Variants in MBOAT2 observed in about 807,000 individuals in gnomAD.
MBOAT2 encodes the protein membrane-bound glycerophospholipid O-acyltransferase 2.
Under a neutral mutation model 63.4 loss-of-function variants are expected in MBOAT2, and 28 were observed. The observed-to-expected ratio is 0.44, with a 90% CI of 0.33 to 0.61. The LOEUF (loss-of-function observed/expected upper bound fraction) is 0.61. MBOAT2 is among the 20% of genes least tolerant of loss of function. The probability of loss-of-function intolerance (pLI) is 0.03; values close to 1 mark genes in which losing one functional copy is unlikely to be tolerated. For missense variants in MBOAT2, 470 were observed against 605.8 expected (o/e 0.78, Z 2.35); for synonymous variants, 211 against 215.6 (o/e 0.98, Z 0.19).
At chr2:8,956,851 T>C (rs900132718) in intron 2 of MBOAT2, among the ~76,000 whole-genome samples, 1 of 152,132 alleles carries the variant, frequency 6.6e-6, no homozygotes, top group African/African-American at 2.4e-5. Context: ...GTAAAAGATT[T>C]CTAGGTAAAG....
chr2:8,939,711 T>C (rs1219423225), intron 3 of MBOAT2, among the ~76,000 whole-genome samples: 1 of 152,088 alleles, frequency 6.6e-6, no homozygotes, highest in African/African-American at 2.4e-5. Context: ...AAAAGACACA[T>C]GGCCAATCCT....
At chr2:8,919,534 G>A (rs1666423011) in intron 3 of MBOAT2, among the ~76,000 whole-genome samples, 1 of 152,138 alleles carries the variant, frequency 6.6e-6, no homozygotes, top group South Asian at 2.1e-4. Flanking sequence ...GCCATGAAAT[G>A]TGTAACTAGC....
intron 3 of MBOAT2, among the ~76,000 whole-genome samples, chr2:8,915,594 G>T (rs1666115336): frequency 6.6e-6 from 1 of 152,114 alleles, no homozygotes; most frequent in Non-Finnish European, 1.5e-5. Flanking sequence ...AACTTTTGTT[G>T]CTATCTTGTC....
intron 4 of MBOAT2, among the ~76,000 whole-genome samples, chr2:8,894,317 T>A (rs1197677013): frequency 6.6e-6 from 1 of 152,236 alleles, no homozygotes; most frequent in East Asian, 1.9e-4. Flanking sequence ...GATCCATCTC[T>A]GTTTACTCCT....
chr2:8,967,575 A>C (rs1670084169), intron 1 of MBOAT2, among the ~76,000 whole-genome samples: 1 of 149,920 alleles, frequency 6.7e-6, no homozygotes, highest in Non-Finnish European at 1.5e-5. Flanking sequence ...TAAAAAATAA[A>C]ATTTGATTTT....
chr2:8,868,645 A>C (rs575110711), intron 8 of MBOAT2, 96 bp from the exon 9 acceptor site: 7 of 954,602 alleles, frequency 7.3e-6, no homozygotes, highest in African/African-American at 1.7e-5. Flanking sequence ...TTTTATTCTT[A>C]AACAGTAAAA....
intron 3 of MBOAT2, among the ~76,000 whole-genome samples, chr2:8,932,674 G>T (rs768025287): frequency 1.3e-5 from 2 of 151,818 alleles, no homozygotes; most frequent in East Asian, 3.9e-4. Context: ...TGGAACCTCA[G>T]TGTCCCCATC....
chr2:8,860,677 C>T lies in MBOAT2; in HGVS notation c.1273G>A (p.Ala425Thr). 10 of 1,612,288 alleles carry T rather than the reference C, an allele frequency of 6.2e-6. No individual in the cohort carries two copies. The highest frequency in any genetic ancestry group is 8.5e-6 in the Non-Finnish European group (10 of 1,178,828). Residue 425 changes from alanine to threonine, a missense_variant, in exon 12 of 13, where the codon GCA (alanine) becomes ACA (threonine). Physicochemically the swap from Ala to Thr is moderately conservative, Grantham distance 58. Transcript: ENST00000305997. Reference sequence around the variant, plus strand: ...AATGGCACAACTGTGTAACTTATTGCTACTTGAGTTACTATCCATGTTATA... The same window carrying T: ...AATGGCACAACTGTGTAACTTATTGTTACTTGAGTTACTATCCATGTTATA... ...DVITWIVTQV[A>T]ISYTVVPFVL...
intron 3 of MBOAT2, among the ~76,000 whole-genome samples, chr2:8,942,635 T>C (rs1022825565): frequency 6.6e-6 from 1 of 152,206 alleles, no homozygotes; most frequent in Non-Finnish European, 1.5e-5. Context: ...ACCTTCTACA[T>C]GCTCCCCACT....
chr2:8,864,106 T>C, intron 10 of MBOAT2, 64 bp downstream of exon 10: 1 of 1,153,048 alleles, frequency 8.7e-7, no homozygotes, highest in South Asian at 1.5e-5. Flanking sequence ...CTGAACTCAA[T>C]GAAGCTCAAC....
intron 3 of MBOAT2, among the ~76,000 whole-genome samples, chr2:8,929,197 T>C (rs1466313818): frequency 6.6e-6 from 1 of 152,238 alleles, no homozygotes; most frequent in Non-Finnish European, 1.5e-5. Context: ...AAATCTGGTA[T>C]AACCCTTTAC....
chr2:8,932,103 TC>T (rs1477263935), intron 3 of MBOAT2, among the ~76,000 whole-genome samples: 1 of 152,154 alleles, frequency 6.6e-6, no homozygotes, highest in Non-Finnish European at 1.5e-5. Context: ...CCATAACTAC[TC>T]TAAATAAGGA....
chr2:8,906,383 A>C lies in MBOAT2; in HGVS notation c.395+2238T>G, dbSNP rs544752560. On this transcript the variant is annotated intron_variant, in intron 4 of 12. Transcript: ENST00000305997. ...TCATGCTTGCTGACAGGATGCAGGC[A>C]CAAGTGTTGCGCAGGCACACCCTCA... is the stretch of plus-strand genomic sequence containing the variant. Among the ~76,000 whole-genome samples, 8 of 152,354 alleles carry C rather than the reference A, an allele frequency of 5.3e-5. No individual in the cohort carries two copies. The Middle Eastern group carries it at 0.01, about 194-fold the overall frequency.
In MBOAT2 at chr2:8,854,590, A is replaced by G. The variant is rs1660964982; in HGVS notation, c.*4089T>C. On this transcript the variant is annotated 3_prime_UTR_variant, in exon 13 of 13. Transcript: ENST00000305997. ...TATTTTCTCAAGTAATTTTTCTTTCAATTATAATGTAGAACTGTTAAGACC... is the reference window on the plus strand; with the variant it reads ...TATTTTCTCAAGTAATTTTTCTTTCGATTATAATGTAGAACTGTTAAGACC... 6.6e-6 allele frequency: 1 copy of G among 152,222 alleles called. No individual in the cohort carries two copies. Among genetic ancestry groups the G allele is most frequent in the African/African-American group, 2.4e-5 (1 of 41,444 alleles). The allele number at this position is 152,222 out of a possible 1,614,324, so 9.4% of individuals were successfully genotyped here.
At chr2:8,864,268 C>G (rs1255464924) in intron 9 of MBOAT2, 34 bp from the exon 10 acceptor site, 1 of 1,335,096 alleles carries the variant, frequency 7.5e-7, no homozygotes, top group Admixed American at 2.3e-5. Context: ...CTTTGTGTCA[C>G]AAAATAATGA....
At chr2:8,916,272 A>G (rs1666169642) in intron 3 of MBOAT2, among the ~76,000 whole-genome samples, 1 of 152,228 alleles carries the variant, frequency 6.6e-6, no homozygotes, top group Non-Finnish European at 1.5e-5. Flanking sequence ...TGTTTACACC[A>G]TTCAGATACT....
rs1666632051 is a variant in MBOAT2 at position 8,922,299 on chromosome 2, A to G, written c.300-13583T>C. Among the ~76,000 whole-genome samples, 4 of 152,150 alleles carry G rather than the reference A, an allele frequency of 2.6e-5. No individual in the cohort carries two copies. The South Asian group carries it at 8.3e-4, about 31-fold the overall frequency. Reference sequence around the variant, plus strand: ...TTATCTTAATTCTTTAAATGTATTTATAATAGTTGTTTTGTCTGGTAAACC... The same window carrying G: ...TTATCTTAATTCTTTAAATGTATTTGTAATAGTTGTTTTGTCTGGTAAACC... On this transcript the variant is annotated intron_variant, in intron 3 of 12. Coordinates refer to ENST00000305997, the MANE Select transcript of MBOAT2 (RefSeq NM_138799.4).
chr2:8,989,558 A>G (rs1035254730), intron 1 of MBOAT2, among the ~76,000 whole-genome samples: 1 of 152,206 alleles, frequency 6.6e-6, no homozygotes, highest in Non-Finnish European at 1.5e-5. Context: ...TCATGAGCCC[A>G]TGGATTTCAC....
chr2:8,987,529 G>A (rs1323284358), intron 1 of MBOAT2, among the ~76,000 whole-genome samples: 7 of 152,226 alleles, frequency 4.6e-5, no homozygotes, highest in Non-Finnish European at 1.0e-4. Context: ...GAATTTGGCA[G>A]CTGAAAACAC....
Sources: gnomAD v4.1 joint callset for allele counts (sites outside exome capture counted in the v4.1 genomes callset) on GRCh38, gnomAD v4.1.1 for gene constraint, MANE v1.5 for transcripts, NCBI Gene and HGNC (gene_info 2026-07-23, HGNC 2026-07-21) for gene names.